SLC2A13: variants seen among roughly 807,000 people sequenced by gnomAD.
The protein encoded by SLC2A13 is proton myo-inositol cotransporter.
SLC2A13 carries 32 observed loss-of-function variants against 64.4 expected under a neutral mutation model. That is an observed-to-expected ratio of 0.50 (90% CI 0.37 to 0.67). SLC2A13 has a LOEUF of 0.67. Among genes scored for constraint, SLC2A13 ranks in the 30% least tolerant of loss-of-function variants. The pLI, the probability that SLC2A13 is intolerant of heterozygous loss-of-function variation, is 0.00. For synonymous variants in SLC2A13, 338 were observed against 327.1 expected (o/e 1.03, Z -0.36); for missense variants, 743 against 829.2 (o/e 0.90, Z 1.28).
chr12:40,100,969 CAAAAAA>C (rs10633826), intron 1 of SLC2A13, among the ~76,000 whole-genome samples: 1 of 84,690 alleles, frequency 1.2e-5, no homozygotes, highest in African/African-American at 4.9e-5. Flanking sequence ...CCATCTCAGA[CAAAAAA>C]AAAAAAAAAA....
At chr12:39,938,268 T>C (rs996407964) in intron 4 of SLC2A13, among the ~76,000 whole-genome samples, 6 of 152,152 alleles carry the variant, frequency 3.9e-5, no homozygotes, top group African/African-American at 1.4e-4. Context: ...GAGAAGTTAT[T>C]ATGTAGCTTG....
chr12:39,806,169 G>GA (rs1349663288), intron 7 of SLC2A13, among the ~76,000 whole-genome samples: 1 of 152,000 alleles, frequency 6.6e-6, no homozygotes, highest in Admixed American at 6.5e-5. Flanking sequence ...TAAAAATTAA[G>GA]AAAAAAATCG....
At chr12:40,087,370 CTTCCA>C (rs1388245255) in intron 1 of SLC2A13, among the ~76,000 whole-genome samples, 1 of 152,196 alleles carries the variant, frequency 6.6e-6, no homozygotes, top group Non-Finnish European at 1.5e-5. Context: ...CTCTGTGTTT[CTTCCA>C]TTCATCAGTC....
At position 39,882,172 on chromosome 12, in the gene SLC2A13, A is replaced by G. The variant is rs568988266; in HGVS notation, c.1035-10211T>C. On this transcript the variant is annotated intron_variant, in intron 4 of 9. Transcript: ENST00000280871. ...ATAATACTTACTATGTGAGTACTCTATATTTCCCAAACCAGAGGGTCTCAG... is the reference window on the plus strand; with the variant it reads ...ATAATACTTACTATGTGAGTACTCTGTATTTCCCAAACCAGAGGGTCTCAG... Among the ~76,000 whole-genome samples, 183 of 152,136 alleles carry G rather than the reference A, an allele frequency of 1.2e-3. 2 individuals carry two copies. Among genetic ancestry groups the G allele is most frequent in the African/African-American group, 4.0e-3 (168 of 41,504 alleles).
intron 7 of SLC2A13, among the ~76,000 whole-genome samples, chr12:39,821,012 T>C (rs1319955691): frequency 6.6e-6 from 1 of 152,086 alleles, no homozygotes; most frequent in Non-Finnish European, 1.5e-5. Flanking sequence ...CCTACTGCAC[T>C]GCTCCCCAAA....
intron 6 of SLC2A13, among the ~76,000 whole-genome samples, chr12:39,831,074 T>G (rs1942838627): frequency 6.6e-6 from 1 of 152,092 alleles, no homozygotes; most frequent in Non-Finnish European, 1.5e-5. Context: ...TGCCAGAAAA[T>G]TCTGGAGCAC....
chr12:39,984,000 T>G (rs1399731430), intron 3 of SLC2A13, among the ~76,000 whole-genome samples: 7 of 151,544 alleles, frequency 4.6e-5, no homozygotes, highest in Admixed American at 6.6e-5. Context: ...TATGCAGCCA[T>G]AAAAAAGGAT....
At chr12:39,988,869 A>G (rs1947083115) in intron 3 of SLC2A13, among the ~76,000 whole-genome samples, 1 of 152,124 alleles carries the variant, frequency 6.6e-6, no homozygotes, top group Non-Finnish European at 1.5e-5. Flanking sequence ...TCCCCATCCA[A>G]TGCATCAGTA....
At chr12:39,826,588 C>T (rs1942682259) in intron 7 of SLC2A13, among the ~76,000 whole-genome samples, 1 of 149,922 alleles carries the variant, frequency 6.7e-6, no homozygotes, top group Admixed American at 6.7e-5. Flanking sequence ...TAATTGTAAT[C>T]TCAATTTCTT....
chr12:39,806,318 T>G (rs1941978304), intron 7 of SLC2A13, among the ~76,000 whole-genome samples: 1 of 152,186 alleles, frequency 6.6e-6, no homozygotes, highest in South Asian at 2.1e-4. Flanking sequence ...CCCAACAAAT[T>G]GTAAGATATT....
chr12:39,912,729 C>T (rs1375301706), intron 4 of SLC2A13, among the ~76,000 whole-genome samples: 2 of 152,002 alleles, frequency 1.3e-5, no homozygotes, highest in East Asian at 1.9e-4. Flanking sequence ...GGAGCCCTGC[C>T]ATAGTGTGGG....
chr12:39,912,546 G>A (rs1160388630), intron 4 of SLC2A13, among the ~76,000 whole-genome samples: 1 of 152,056 alleles, frequency 6.6e-6, no homozygotes, highest in Non-Finnish European at 1.5e-5. Context: ...AGTTATAATC[G>A]AGGAAGATTC....
chr12:39,953,627 C>T (rs1946270244), intron 3 of SLC2A13, among the ~76,000 whole-genome samples: 1 of 152,114 alleles, frequency 6.6e-6, no homozygotes, highest in African/African-American at 2.4e-5. Context: ...ATGTTTTGTG[C>T]ATACAAACAT....
chr12:39,977,358 T>C (rs1946781568), intron 3 of SLC2A13, among the ~76,000 whole-genome samples: 1 of 152,222 alleles, frequency 6.6e-6, no homozygotes, highest in African/African-American at 2.4e-5. Flanking sequence ...TCTGATCTCT[T>C]TCAGCCATTG....
chr12:39,934,238 T>A (rs1945881046), intron 4 of SLC2A13, among the ~76,000 whole-genome samples: 1 of 152,238 alleles, frequency 6.6e-6, no homozygotes, highest in Admixed American at 6.5e-5. Flanking sequence ...TGTCCATAGC[T>A]GTTGACATAA....
At chr12:39,965,209 C>T (rs1946487639) in intron 3 of SLC2A13, among the ~76,000 whole-genome samples, 1 of 152,128 alleles carries the variant, frequency 6.6e-6, no homozygotes, top group South Asian at 2.1e-4. Context: ...CAAAACATTT[C>T]ATGGCCTAAA....
At chr12:39,821,160 T>A (rs540852596) in intron 7 of SLC2A13, among the ~76,000 whole-genome samples, 10 of 152,268 alleles carry the variant, frequency 6.6e-5, no homozygotes, top group African/African-American at 2.2e-4. Flanking sequence ...ACGCCTGTAA[T>A]CCCAGCACTT....
At chr12:39,866,628 C>T (rs1035343461) in intron 5 of SLC2A13, among the ~76,000 whole-genome samples, 4 of 151,980 alleles carry the variant, frequency 2.6e-5, no homozygotes, top group Admixed American at 2.6e-4. Flanking sequence ...TACAGGCGCC[C>T]GCCACCTCGC....
intron 7 of SLC2A13, among the ~76,000 whole-genome samples, chr12:39,804,288 A>G (rs563478897): frequency 2.0e-5 from 3 of 152,320 alleles, no homozygotes; most frequent in East Asian, 3.9e-4. Flanking sequence ...ATCAAGGATA[A>G]ATGTCATTAT....
Sources: gnomAD v4.1 joint callset for allele counts (sites outside exome capture counted in the v4.1 genomes callset) on GRCh38, gnomAD v4.1.1 for gene constraint, MANE v1.5 for transcripts, NCBI Gene and HGNC (gene_info 2026-07-23, HGNC 2026-07-21) for gene names.